Variants in KIF18A observed in about 807,000 individuals in gnomAD.
KIF18A encodes kinesin family member 18A, also known as kinesin-like protein KIF18A.
In KIF18A, 67 loss-of-function variants were observed where a neutral mutation model predicts 103.3. That is an observed-to-expected ratio of 0.65 (90% CI 0.53 to 0.79). The LOEUF (loss-of-function observed/expected upper bound fraction) is 0.79. Among genes scored for constraint, KIF18A ranks in the 30% least tolerant of loss-of-function variants. The pLI is 0.00. For missense variants in KIF18A, 1,032 were observed against 1,062.5 expected (o/e 0.97, Z 0.40); for synonymous variants, 367 against 355.5 (o/e 1.03, Z -0.36).
intron 13 of KIF18A, among the ~76,000 whole-genome samples, chr11:28,050,344 A>C (rs1332055465): frequency 6.6e-6 from 1 of 151,866 alleles, no homozygotes; most frequent in Non-Finnish European, 1.5e-5. Flanking sequence ...CCATTGTTTC[A>C]TGATTAAATT....
intron 11 of KIF18A, among the ~76,000 whole-genome samples, chr11:28,067,402 C>T (rs1159896923): frequency 6.6e-6 from 1 of 152,030 alleles, no homozygotes; most frequent in Non-Finnish European, 1.5e-5. Context: ...CTGCTGCTTG[C>T]TCCTTTCACT....
intron 9 of KIF18A, among the ~76,000 whole-genome samples, chr11:28,080,041 G>C (rs1184964367): frequency 6.6e-6 from 1 of 152,050 alleles, no homozygotes; most frequent in Non-Finnish European, 1.5e-5. Context: ...AAGTAGATTA[G>C]TTAAGCTATA....
intron 13 of KIF18A, among the ~76,000 whole-genome samples, chr11:28,057,071 T>C (rs1850790309): frequency 6.6e-6 from 1 of 151,852 alleles, no homozygotes; most frequent in South Asian, 2.1e-4. Flanking sequence ...AAAGAGTTAT[T>C]AGATACGAAG....
intron 11 of KIF18A, among the ~76,000 whole-genome samples, chr11:28,068,870 C>T (rs1850972168): frequency 6.6e-6 from 1 of 152,120 alleles, no homozygotes; most frequent in Admixed American, 6.6e-5. Flanking sequence ...CATCACTACA[C>T]TTCAAAAATA....
chr11:28,089,384 T>C (rs1472531630), intron 5 of KIF18A, among the ~76,000 whole-genome samples: 1 of 152,158 alleles, frequency 6.6e-6, no homozygotes, highest in Non-Finnish European at 1.5e-5. Context: ...TTTGGGGTAA[T>C]AAGTAGGAGC....
chr11:28,045,329 T>A (rs1352392146), intron 13 of KIF18A, among the ~76,000 whole-genome samples: 1 of 151,890 alleles, frequency 6.6e-6, no homozygotes, highest in Non-Finnish European at 1.5e-5. Context: ...AATATTTCAA[T>A]TCTCCAGGAA....
At position 28,090,803 on chromosome 11, in the gene KIF18A, A is replaced by C. The variant is rs1302474839; in HGVS notation, c.589-76T>G. 1.8e-5 allele frequency: 13 copies of C among 733,370 alleles called. 1 individual carries two copies. The highest frequency in any genetic ancestry group is 2.9e-5 in the Non-Finnish European group (12 of 419,446). 45.4% of individuals were successfully genotyped at this position (733,370 alleles called of 1,614,324 possible). On this transcript the variant is annotated intron_variant, in intron 4 of 16. Coordinates refer to ENST00000263181, the MANE Select transcript of KIF18A (RefSeq NM_031217.4). ...AAATTTTTCAATAAATGTTCAAAAA[A>C]CAAAAAGATTTAAAGGTAAAAGAAA... is the stretch of plus-strand genomic sequence containing the variant.
rs1224576678 is a variant in KIF18A, at chr11:28,090,670, G to T, written c.646C>A (p.Gln216Lys). Reference sequence around the variant, plus strand: ...GTGGCATTCATATCAGTGGGATGTTGTGTCCTGTTTTTGTTTCCATTATCC... The same window carrying T: ...GTGGCATTCATATCAGTGGGATGTTTTGTCCTGTTTTTGTTTCCATTATCC... ...LLDNGNKNRTQHPTDMNATSS... is the reference protein window; with the variant it reads ...LLDNGNKNRTKHPTDMNATSS... Residue 216 changes from glutamine to lysine, a missense_variant, in exon 5 of 17, where the codon CAA becomes AAA. Coordinates refer to ENST00000263181, the MANE Select transcript of KIF18A (RefSeq NM_031217.4). 3.1e-6 allele frequency: 5 copies of T among 1,611,112 alleles called. No individual in the cohort carries two copies. Among genetic ancestry groups the T allele is most frequent in the Non-Finnish European group, 4.2e-6 (5 of 1,178,064 alleles).
chr11:28,064,786 T>C (rs1290678291), intron 11 of KIF18A, among the ~76,000 whole-genome samples: 1 of 152,118 alleles, frequency 6.6e-6, no homozygotes, highest in Non-Finnish European at 1.5e-5. Flanking sequence ...TACTAATGAC[T>C]AAATCTGATT....
At chr11:28,104,562 AG>A (rs1851483168) in intron 1 of KIF18A, among the ~76,000 whole-genome samples, 1 of 152,114 alleles carries the variant, frequency 6.6e-6, no homozygotes, top group Non-Finnish European at 1.5e-5. Flanking sequence ...AATCTATCTA[AG>A]ATAGTGTCAC....
intron 12 of KIF18A, 59 bp downstream of exon 12, chr11:28,062,336 A>G: frequency 6.9e-7 from 1 of 1,451,070 alleles, no homozygotes; most frequent in Non-Finnish European, 9.2e-7. Context: ...TGGAAAATTG[A>G]ACTTCTGTGC....
chr11:28,100,548 A>C (rs1851431519), intron 1 of KIF18A, among the ~76,000 whole-genome samples: 1 of 88,912 alleles, frequency 1.1e-5, no homozygotes, highest in Non-Finnish European at 2.4e-5. Context: ...GAGGAGAAAA[A>C]TGGTGTGAGT....
chr11:28,075,716 A>C (rs1232249663), intron 10 of KIF18A, among the ~76,000 whole-genome samples: 3 of 152,008 alleles, frequency 2.0e-5, no homozygotes, highest in Admixed American at 6.6e-5. Context: ...TCTGTTTTGT[A>C]ATTTTGAAAG....
intron 15 of KIF18A, among the ~76,000 whole-genome samples, chr11:28,030,296 G>A (rs1005412682): frequency 6.6e-6 from 1 of 151,894 alleles, no homozygotes; most frequent in Non-Finnish European, 1.5e-5. Flanking sequence ...CAAGGCTACA[G>A]TAACCAAAAC....
intron 3 of KIF18A, among the ~76,000 whole-genome samples, 165 bp from the exon 4 acceptor site, chr11:28,091,678 CTA>C (rs1031800591): frequency 1.3e-5 from 2 of 152,156 alleles, no homozygotes; most frequent in Non-Finnish European, 2.9e-5. Flanking sequence ...CATTAATTTT[CTA>C]TCATTCCAGA....
At chr11:28,084,431 TA>T in intron 7 of KIF18A, 200 bp downstream of exon 7, 1 of 188,076 alleles carries the variant, frequency 5.3e-6, no homozygotes, top group Non-Finnish European at 1.1e-5. Flanking sequence ...ATCTATTATA[TA>T]TATATATATA....
intron 15 of KIF18A, among the ~76,000 whole-genome samples, chr11:28,025,545 T>A (rs868437778): frequency 1.4e-4 from 22 of 151,966 alleles, no homozygotes; most frequent in South Asian, 2.1e-4. Context: ...AAATTAGGCT[T>A]TTGAATAAAG....
intron 11 of KIF18A, 36 bp from the exon 12 acceptor site, chr11:28,062,552 T>G (rs199971001): frequency 3.3e-6 from 5 of 1,512,316 alleles, no homozygotes; most frequent in Non-Finnish European, 4.4e-6. Context: ...TTCAGATCAC[T>G]CTAAGAATAT....
intron 10 of KIF18A, among the ~76,000 whole-genome samples, chr11:28,071,150 CAG>C (rs1351601976): frequency 6.6e-6 from 1 of 152,206 alleles, no homozygotes; most frequent in Non-Finnish European, 1.5e-5. Context: ...GAGATCCTTT[CAG>C]AGAGTTCACA....
Sources: allele counts gnomAD v4.1 joint callset (sites outside exome capture counted in the v4.1 genomes callset), GRCh38; gene constraint gnomAD v4.1.1; transcripts MANE v1.5; gene names NCBI Gene and HGNC (gene_info 2026-07-23, HGNC 2026-07-21).